The following CEACAM20 variants were observed in gnomAD, a reference collection of about 807,000 sequenced individuals.
The protein encoded by CEACAM20 is cell adhesion molecule CEACAM20.
A neutral mutation model predicts 61.2 loss-of-function variants in CEACAM20; 50 were observed. That is an observed-to-expected ratio of 0.82 (90% CI 0.65 to 1.03). The LOEUF (loss-of-function observed/expected upper bound fraction) is 1.03. Ranked by LOEUF, CEACAM20 falls within the 50% of genes least tolerant of loss-of-function variation. The pLI is 0.00. For missense variants in CEACAM20, 683 were observed against 736.4 expected (o/e 0.93, Z 0.84); for synonymous variants, 282 against 287.7 (o/e 0.98, Z 0.20).
chr19:44,510,495 G>A (rs1970939032), intron 11 of CEACAM20, among the ~76,000 whole-genome samples: 1 of 147,098 alleles, frequency 6.8e-6, no homozygotes, highest in African/African-American at 2.5e-5. Context: ...TCTGGGTGAT[G>A]GAGCAAGACC....
At chr19:44,527,820 G>A (rs1257263318) in intron 1 of CEACAM20, among the ~76,000 whole-genome samples, 1 of 152,214 alleles carries the variant, frequency 6.6e-6, no homozygotes, top group Admixed American at 6.5e-5. Context: ...CACATGACCT[G>A]TTGCAAAATC....
At chr19:44,510,725 A>T (rs1396592516) in intron 11 of CEACAM20, among the ~76,000 whole-genome samples, 1 of 152,180 alleles carries the variant, frequency 6.6e-6, no homozygotes, top group African/African-American at 2.4e-5. Flanking sequence ...ATAAAACCCA[A>T]TGGGATGGAA....
In CEACAM20 at chr19:44,508,510, C is replaced by T. The variant is rs541097389; in HGVS notation, c.1738-2296G>A. On this transcript the variant is annotated intron_variant, in intron 11 of 11. Coordinates refer to ENST00000614924, the MANE Select transcript of CEACAM20 (RefSeq NM_001102597.3). Reference sequence around the variant, plus strand: ...GTTCAAGTGATTCTTCTGCCTCAGCCTCCCAAGTAGCTGGGATTACAGGTG... The same window carrying T: ...GTTCAAGTGATTCTTCTGCCTCAGCTTCCCAAGTAGCTGGGATTACAGGTG... Among the ~76,000 whole-genome samples, 3 of 152,304 alleles carry T rather than the reference C, an allele frequency of 2.0e-5. No individual in the cohort carries two copies. In the East Asian group the frequency reaches 5.8e-4, roughly 29 times the overall value.
At chr19:44,515,740 G>A (rs930132697) in intron 6 of CEACAM20, among the ~76,000 whole-genome samples, 2 of 152,074 alleles carry the variant, frequency 1.3e-5, no homozygotes, top group African/African-American at 2.4e-5. Context: ...GAAGCGGGAC[G>A]ATCACTTGAG....
At chr19:44,529,381 C>G in intron 1 of CEACAM20, 77 bp downstream of exon 1, 1 of 1,302,184 alleles carries the variant, frequency 7.7e-7, no homozygotes, top group Non-Finnish European at 1.1e-6. Flanking sequence ...CACACACACA[C>G]ACACACACAC....
In CEACAM20 at chr19:44,524,191, G is replaced by A; in HGVS notation, c.267C>T (p.Tyr89=). The part of the protein sequence containing the change: ...AIEQKDMVTF[Y]CTTKDVNITI... ...TAATGTTGACGTCCTTAGTGGTGCA[G>A]TAGAAGGTCACCATGTCCTTCTGCT... The change falls in exon 3 of 12, where the codon TAC becomes TAT. Residue 89 remains tyrosine (Y), a synonymous_variant. Coordinates refer to ENST00000614924, the MANE Select transcript of CEACAM20 (RefSeq NM_001102597.3). 4 of 1,614,016 alleles carry A rather than the reference G, an allele frequency of 2.5e-6. No individual in the cohort carries two copies. The highest frequency in any genetic ancestry group is 3.4e-6 in the Non-Finnish European group (4 of 1,179,884).
At chr19:44,507,076 CCTT>C (rs1970839976) in intron 11 of CEACAM20, among the ~76,000 whole-genome samples, 1 of 152,196 alleles carries the variant, frequency 6.6e-6, no homozygotes, top group South Asian at 2.1e-4. Flanking sequence ...ACTGACCTAA[CCTT>C]CTTCCCCACA....
Position 44,509,398 on chromosome 19 carries a change from T to G in CEACAM20, c.1737+1632A>C, listed in dbSNP as rs1007045281. ...AGAAAAGGGGGGAAATGGAATGCCA[T>G]GGAATATAAAATAATGAAATGAAAT... On this transcript the variant is annotated intron_variant, in intron 11 of 11. Transcript: ENST00000614924. Among the ~76,000 whole-genome samples, 44 of 150,016 alleles carry G rather than the reference T, an allele frequency of 2.9e-4. 1 individual carries two copies. Among genetic ancestry groups the G allele is most frequent in the African/African-American group, 9.8e-4 (40 of 40,760 alleles).
intron 11 of CEACAM20, 136 bp downstream of exon 11, chr19:44,510,894 A>G: frequency 1.0e-6 from 1 of 979,304 alleles, no homozygotes; most frequent in Non-Finnish European, 1.5e-6. Context: ...ATGGAAATGG[A>G]TAGGATGGAA....
At chr19:44,518,423 T>C (rs1466510020) in intron 5 of CEACAM20, among the ~76,000 whole-genome samples, 2 of 152,126 alleles carry the variant, frequency 1.3e-5, no homozygotes, top group Non-Finnish European at 2.9e-5. Context: ...ATGAAAGTAG[T>C]TGTTGGATTT....
At position 44,529,636 on chromosome 19, in the gene CEACAM20, T is replaced by TCA; in HGVS notation, c.-129_-128dup. ...TCTCCTCTCCCACCCTGCTACAAAC[T>TCA]CACACACACACTGCAGTAACTGCAG... On this transcript the variant is annotated 5_prime_UTR_variant, in exon 1 of 12. Coordinates refer to ENST00000614924, the MANE Select transcript of CEACAM20 (RefSeq NM_001102597.3). The TCA allele has an allele frequency of 5.7e-6, 4 of 703,796 alleles. No homozygotes were observed. The highest frequency in any genetic ancestry group is 9.8e-6 in the Non-Finnish European group (4 of 407,504). The allele number at this position is 703,796 out of a possible 1,614,324, so 43.6% of individuals were successfully genotyped here. A position where few individuals can be genotyped will look rare whatever the true frequency, so the allele number is the denominator to read the frequency against.
intron 5 of CEACAM20, among the ~76,000 whole-genome samples, chr19:44,518,539 G>A (rs75058377): frequency 0.044 from 6,731 of 151,774 alleles, 221 homozygotes; most frequent in East Asian, 0.083. Flanking sequence ...AGGGATTCAA[G>A]ACCAGCCTAC....
chr19:44,527,554 C>A (rs1971565059), intron 1 of CEACAM20, among the ~76,000 whole-genome samples: 1 of 152,138 alleles, frequency 6.6e-6, no homozygotes, highest in African/African-American at 2.4e-5. Context: ...TCATACCCAC[C>A]CGAGACAGGA....
chr19:44,523,866 T>C, intron 3 of CEACAM20, 120 bp downstream of exon 3: 1 of 1,088,580 alleles, frequency 9.2e-7, no homozygotes, highest in East Asian at 2.6e-5. Flanking sequence ...AACAGTTATA[T>C]GTCTGAAGTT....
At chr19:44,525,038 T>G in intron 2 of CEACAM20, 63 bp downstream of exon 2, 1 of 1,581,270 alleles carries the variant, frequency 6.3e-7, no homozygotes, top group South Asian at 1.2e-5. Flanking sequence ...GGGCGTGAGG[T>G]TCGGATGAGG....
intron 4 of CEACAM20, among the ~76,000 whole-genome samples, chr19:44,521,201 A>G (rs1971356170): frequency 6.6e-6 from 1 of 152,034 alleles, no homozygotes; most frequent in East Asian, 1.9e-4. Context: ...TATGTGCTGC[A>G]TGTGGTATGT....
intron 8 of CEACAM20, 82 bp downstream of exon 8, chr19:44,512,786 G>T: frequency 8.9e-7 from 1 of 1,117,474 alleles, no homozygotes; most frequent in Non-Finnish European, 1.3e-6. Context: ...TGACCTGGTG[G>T]CAAAGCTGGG....
intron 5 of CEACAM20, among the ~76,000 whole-genome samples, chr19:44,518,555 A>G (rs567770711): frequency 6.6e-6 from 1 of 152,264 alleles, no homozygotes; most frequent in South Asian, 2.1e-4. Flanking sequence ...CCTACGCAAC[A>G]TAGTAAGACC....
In CEACAM20 at chr19:44,529,396, C is replaced by T. The variant is rs371755240; in HGVS notation, c.52+62G>A. The T allele has an allele frequency of 1.1e-3, 1,361 of 1,288,434 alleles. 13 individuals carry two copies. In the African/African-American group the frequency reaches 0.02, roughly 19 times the overall value. The allele number at this position is 1,288,434 out of a possible 1,614,324, so 79.8% of individuals were successfully genotyped here. A position where few individuals can be genotyped will look rare whatever the true frequency, so the allele number is the denominator to read the frequency against. ...CACACACACACACACACACACACAC[C>T]GCTGACAAATAGATGCATACAACCT... On this transcript the variant is annotated intron_variant, in intron 1 of 11. Transcript: ENST00000614924.
Sources: allele counts gnomAD v4.1 joint callset (sites outside exome capture counted in the v4.1 genomes callset), GRCh38; gene constraint gnomAD v4.1.1; transcripts MANE v1.5; gene names NCBI Gene and HGNC (gene_info 2026-07-23, HGNC 2026-07-21).